The following QTGAL variants were observed in gnomAD, a reference collection of about 807,000 sequenced individuals.
QTGAL encodes the protein BGnT-like protein 1.
At chr17:83,048,129 C>A in the QTGAL span, among the ~76,000 whole-genome samples, 1 of 152,246 alleles carries the variant, frequency 6.6e-6, no homozygotes, top group Middle Eastern at 3.4e-3. Flanking sequence ...CGGGTTCAAG[C>A]AATTATCATG....
the QTGAL span, among the ~76,000 whole-genome samples, chr17:83,047,086 C>A: frequency 6.6e-6 from 1 of 152,220 alleles, no homozygotes; most frequent in East Asian, 1.9e-4. Context: ...CCGCAGAATA[C>A]CCCAGACTGG....
the QTGAL span, among the ~76,000 whole-genome samples, chr17:83,004,851 G>A: frequency 3.9e-5 from 6 of 151,924 alleles, no homozygotes; most frequent in African/African-American, 9.7e-5. Context: ...CGCCCTCCGC[G>A]TGTAAGTGGA....
chr17:83,048,768 G>C, the QTGAL span: 1 of 1,613,682 alleles, frequency 6.2e-7, no homozygotes, highest in Non-Finnish European at 8.5e-7. Context: ...CAGCGTTGTG[G>C]ACTGGGAGGA....
the QTGAL span, chr17:82,943,269 C>G: frequency 6.6e-6 from 1 of 152,308 alleles, no homozygotes; most frequent in South Asian, 2.1e-4. Flanking sequence ...GTCTCTGTGT[C>G]TGAGCTCGTG....
chr17:83,023,663 T>C, the QTGAL span, among the ~76,000 whole-genome samples: 10 of 152,250 alleles, frequency 6.6e-5, no homozygotes, highest in African/African-American at 2.4e-4. Context: ...TGAAACGCTT[T>C]GGTCTCAAAA....
the QTGAL span, among the ~76,000 whole-genome samples, chr17:82,977,037 C>T: frequency 2.0e-5 from 3 of 152,266 alleles, no homozygotes; most frequent in African/African-American, 4.8e-5. Flanking sequence ...GCAGGGAGGC[C>T]GGAAGACAGT....
the QTGAL span, chr17:82,949,281 A>G: frequency 6.6e-6 from 1 of 152,250 alleles, no homozygotes; most frequent in Admixed American, 6.5e-5. Context: ...TTATGTATAT[A>G]TACAAATACT....
At chr17:83,006,566 G>A in the QTGAL span, 12 of 985,322 alleles carry the variant, frequency 1.2e-5, no homozygotes, top group South Asian at 1.9e-4. This position sits in a 1 kb window ranked among gnomAD's most constrained non-coding sequence, Gnocchi z 5.8. Context: ...ACGAGCACCC[G>A]AGGCGCCCCT....
At chr17:82,943,081 G>C in the QTGAL span, 2 of 153,138 alleles carry the variant, frequency 1.3e-5, no homozygotes, top group Admixed American at 1.3e-4. Flanking sequence ...CTGATTGATG[G>C]GTGTGCCGAC....
chr17:82,962,041 G>C, the QTGAL span, among the ~76,000 whole-genome samples: 170 of 152,292 alleles, frequency 1.1e-3, no homozygotes, highest in African/African-American at 3.7e-3. Flanking sequence ...AGCTCACCTG[G>C]GTCAGCCGCC....
the QTGAL span, among the ~76,000 whole-genome samples, chr17:83,013,663 G>A: frequency 6.6e-6 from 1 of 151,804 alleles, no homozygotes; most frequent in Non-Finnish European, 1.5e-5. Flanking sequence ...TGACTGAACC[G>A]TGTGGTGACC....
the QTGAL span, among the ~76,000 whole-genome samples, chr17:82,972,668 A>G: frequency 7.7e-6 from 1 of 129,304 alleles, no homozygotes; most frequent in Admixed American, 7.5e-5. Flanking sequence ...CATAGGGGCC[A>G]GAAGGACCCG....
chr17:83,037,315 C>G, the QTGAL span, among the ~76,000 whole-genome samples: 1 of 152,226 alleles, frequency 6.6e-6, no homozygotes, highest in Non-Finnish European at 1.5e-5. This position sits in a 1 kb window ranked among gnomAD's most constrained non-coding sequence, Gnocchi z 5.2. Context: ...TGGGACCGCA[C>G]AGCCGCACAG....
the QTGAL span, among the ~76,000 whole-genome samples, chr17:83,038,744 A>G: frequency 3.9e-5 from 6 of 152,238 alleles, no homozygotes; most frequent in Non-Finnish European, 8.8e-5. Flanking sequence ...CTGTAGTCCC[A>G]GCTACTTGGG....
At chr17:83,037,671 G>A in the QTGAL span, among the ~76,000 whole-genome samples, 7 of 152,316 alleles carry the variant, frequency 4.6e-5, no homozygotes, top group Admixed American at 1.3e-4. This position sits in a 1 kb window ranked among gnomAD's most constrained non-coding sequence, Gnocchi z 5.2. Flanking sequence ...ACGAAGGGCC[G>A]GAAGGGGCCT....
At chr17:82,999,671 T>C in the QTGAL span, among the ~76,000 whole-genome samples, 1 of 152,372 alleles carries the variant, frequency 6.6e-6, no homozygotes, top group East Asian at 1.9e-4. Context: ...AATACATTTA[T>C]GGTACTGTAC....
chr17:82,963,921 T>G, the QTGAL span, among the ~76,000 whole-genome samples: 1 of 151,454 alleles, frequency 6.6e-6, no homozygotes, highest in African/African-American at 2.4e-5. Flanking sequence ...AAAGCTTTTA[T>G]ATAAAATTGG....
At chr17:82,973,176 A>G in the QTGAL span, among the ~76,000 whole-genome samples, 1 of 152,208 alleles carries the variant, frequency 6.6e-6, no homozygotes, top group Non-Finnish European at 1.5e-5. Context: ...ACCGAGACCA[A>G]AGGAACCGAA....
chr17:82,949,015 C>T, the QTGAL span: 1 of 152,060 alleles, frequency 6.6e-6, no homozygotes, highest in Admixed American at 6.6e-5. Context: ...GAGAGTTTTC[C>T]TTATGAAAAA....
Sources: gnomAD v4.1 joint callset for allele counts (sites outside exome capture counted in the v4.1 genomes callset) on GRCh38, gnomAD v4.1.1 for gene constraint, Gnocchi (gnomAD v3.1) non-coding constraint, MANE v1.5 for transcripts, NCBI Gene and HGNC (gene_info 2026-07-23, HGNC 2026-07-21) for gene names.